The following CDK19 variants were observed in gnomAD, a reference collection of about 807,000 sequenced individuals.
CDK19 encodes the protein cyclin-dependent kinase 19.
In CDK19, 20 loss-of-function variants were observed where a neutral mutation model predicts 68.3. That is an observed-to-expected ratio of 0.29 (90% CI 0.21 to 0.43). The LOEUF is 0.43. Among genes scored for constraint, CDK19 ranks in the 20% least tolerant of loss-of-function variants. The probability of loss-of-function intolerance (pLI) is 1.00; values close to 1 mark genes in which losing one functional copy is unlikely to be tolerated. For synonymous variants in CDK19, 221 were observed against 222.8 expected (o/e 0.99, Z 0.07); for missense variants, 339 against 623.5 (o/e 0.54, Z 4.86).
At chr6:110,705,169 T>C (rs541137016) in intron 2 of CDK19, among the ~76,000 whole-genome samples, 2 of 151,188 alleles carry the variant, frequency 1.3e-5, no homozygotes, top group Non-Finnish European at 2.9e-5. Context: ...GCCTCCCGAA[T>C]ACCTGGGATT....
intron 1 of CDK19, among the ~76,000 whole-genome samples, chr6:110,753,673 AC>A (rs1219531632): frequency 3.3e-5 from 5 of 152,022 alleles, no homozygotes; most frequent in Admixed American, 2.0e-4. Context: ...GGGGTGAACC[AC>A]AATGCTTGGC....
chr6:110,801,254 G>A (rs1162696753), intron 1 of CDK19, among the ~76,000 whole-genome samples: 1 of 152,174 alleles, frequency 6.6e-6, no homozygotes, highest in African/African-American at 2.4e-5. Flanking sequence ...GGAGGCCAAG[G>A]TGGGAGGACT....
In CDK19 at chr6:110,671,342, C is replaced by T. The variant is rs79171204; in HGVS notation, c.205-801G>A. Among the ~76,000 whole-genome samples, 1,416 of 152,164 alleles carry T rather than the reference C, an allele frequency of 9.3e-3. 23 individuals carry two copies. Among genetic ancestry groups the T allele is most frequent in the African/African-American group, 0.033 (1,350 of 41,502 alleles). Reference sequence around the variant, plus strand: ...GGTAAAAGCCTTAGAAATATGCCTCCCTCAGGCTGTCCTTAAACAGGGTTC... The same window carrying T: ...GGTAAAAGCCTTAGAAATATGCCTCTCTCAGGCTGTCCTTAAACAGGGTTC... On this transcript the variant is annotated intron_variant, in intron 2 of 12. Transcript: ENST00000368911.
At chr6:110,614,733 CAGT>C in intron 12 of CDK19, 67 bp from the exon 13 acceptor site, 2 of 1,542,670 alleles carry the variant, frequency 1.3e-6, no homozygotes, top group African/African-American at 2.7e-5. Flanking sequence ...ATGCTCATCA[CAGT>C]AGGATAGAGA....
intron 12 of CDK19, 65 bp from the exon 13 acceptor site, chr6:110,614,731 C>A: frequency 6.4e-7 from 1 of 1,554,298 alleles, no homozygotes; most frequent in South Asian, 1.1e-5. Context: ...AGATGCTCAT[C>A]ACAGTAGGAT....
intron 1 of CDK19, among the ~76,000 whole-genome samples, chr6:110,758,022 T>C (rs1411368870): frequency 6.6e-6 from 1 of 151,864 alleles, no homozygotes; most frequent in Non-Finnish European, 1.5e-5. Flanking sequence ...CAAGACCCCA[T>C]CTCTAAAAAA....
At chr6:110,803,709 T>C in intron 1 of CDK19, among the ~76,000 whole-genome samples, 1 of 152,230 alleles carries the variant, frequency 6.6e-6, no homozygotes, top group East Asian at 1.9e-4. Context: ...CTTACACTTG[T>C]AATCCCAGCA....
At position 110,815,326 on chromosome 6, in the gene CDK19, T is replaced by A. The variant is rs961578116; in HGVS notation, c.-190A>T. 6.2e-6 allele frequency: 3 copies of A among 480,316 alleles called. No homozygotes were observed. The highest frequency in any genetic ancestry group is 1.0e-5 in the Non-Finnish European group (3 of 298,406). The allele number at this position is 480,316 out of a possible 1,614,324, so 29.8% of individuals were successfully genotyped here. ...CTCCTCGGCGGCCACAGCAGCCACC[T>A]CCTCCACCTCTTCCTCCTCCTCCTC... On this transcript the variant is annotated 5_prime_UTR_variant, in exon 1 of 13. Coordinates refer to ENST00000368911, the MANE Select transcript of CDK19 (RefSeq NM_015076.5).
intron 2 of CDK19, among the ~76,000 whole-genome samples, chr6:110,673,180 T>A (rs1771164043): frequency 6.6e-6 from 1 of 152,224 alleles, no homozygotes; most frequent in South Asian, 2.1e-4. Context: ...GTAGCTCATA[T>A]AAGTGGAACC....
At chr6:110,811,039 C>A (rs1282829283) in intron 1 of CDK19, among the ~76,000 whole-genome samples, 1 of 152,120 alleles carries the variant, frequency 6.6e-6, no homozygotes, top group Non-Finnish European at 1.5e-5. Context: ...GGATTACAGG[C>A]TATCTCTGCT....
chr6:110,732,364 ATGG>A (rs2114802766), intron 2 of CDK19, among the ~76,000 whole-genome samples: 1 of 152,206 alleles, frequency 6.6e-6, no homozygotes, highest in African/African-American at 2.4e-5. Flanking sequence ...TTAGCTGGGT[ATGG>A]TGGTGCATGC....
chr6:110,672,647 T>C (rs1013103536), intron 2 of CDK19, among the ~76,000 whole-genome samples: 1 of 152,174 alleles, frequency 6.6e-6, no homozygotes, highest in African/African-American at 2.4e-5. Flanking sequence ...AAAACAAATA[T>C]GAATATATAT....
intron 1 of CDK19, among the ~76,000 whole-genome samples, chr6:110,781,254 G>C (rs1338662090): frequency 6.6e-6 from 1 of 152,182 alleles, no homozygotes; most frequent in Non-Finnish European, 1.5e-5. Flanking sequence ...AGGGGAGCCA[G>C]TGTGTCACAT....
intron 6 of CDK19, among the ~76,000 whole-genome samples, chr6:110,628,155 G>A (rs1172027532): frequency 6.6e-6 from 1 of 152,140 alleles, no homozygotes; most frequent in Non-Finnish European, 1.5e-5. Flanking sequence ...AGGTTGCAGT[G>A]AGCCAAGATC....
At chr6:110,806,031 C>G (rs1249080199) in intron 1 of CDK19, among the ~76,000 whole-genome samples, 1 of 151,070 alleles carries the variant, frequency 6.6e-6, no homozygotes, top group Admixed American at 6.6e-5. Flanking sequence ...ATTTATAGCT[C>G]ATTTTTATGT....
At chr6:110,641,496 C>A (rs1780163801) in intron 4 of CDK19, among the ~76,000 whole-genome samples, 1 of 150,424 alleles carries the variant, frequency 6.6e-6, no homozygotes, top group Non-Finnish European at 1.5e-5. Flanking sequence ...ACTTGGGAGG[C>A]TGAGGCAGGA....
intron 2 of CDK19, among the ~76,000 whole-genome samples, chr6:110,695,217 C>A (rs530453412): frequency 6.6e-6 from 1 of 152,222 alleles, no homozygotes; most frequent in Admixed American, 6.5e-5. Flanking sequence ...CAAAACTATA[C>A]AAATACATGG....
chr6:110,670,080 C>A (rs1018532487), intron 3 of CDK19, among the ~76,000 whole-genome samples: 8 of 152,098 alleles, frequency 5.3e-5, no homozygotes, highest in Admixed American at 5.2e-4. Context: ...TCGCTTGAAC[C>A]TGGGAGGCAG....
chr6:110,801,030 A>C (rs1033450407), intron 1 of CDK19, among the ~76,000 whole-genome samples: 3 of 152,192 alleles, frequency 2.0e-5, no homozygotes, highest in Non-Finnish European at 1.5e-5. Context: ...TGATAATATG[A>C]TCCTGTACCT....
Sources: gnomAD v4.1 joint callset for allele counts (sites outside exome capture counted in the v4.1 genomes callset) on GRCh38, gnomAD v4.1.1 for gene constraint, MANE v1.5 for transcripts, NCBI Gene and HGNC (gene_info 2026-07-23, HGNC 2026-07-21) for gene names.